GLYATL2: variants seen among roughly 807,000 people sequenced by gnomAD.
GLYATL2 encodes glycine N-acyltransferase-like protein 2.
In GLYATL2, 25 loss-of-function variants were observed where a neutral mutation model predicts 21.4. The ratio of observed to expected loss-of-function variants is 1.17; its 90% CI spans 0.85 to 1.63. The LOEUF is 1.63. Ranked by LOEUF, GLYATL2 falls within the 40% of genes most tolerant of loss-of-function variation. GLYATL2 has a pLI of 0.00. For synonymous variants in GLYATL2, 114 were observed against 118.2 expected (o/e 0.96, Z 0.23); for missense variants, 361 against 343.3 (o/e 1.05, Z -0.41).
chr11:58,869,168 G>A (rs1286448843), intron 1 of GLYATL2, among the ~76,000 whole-genome samples: 1 of 152,236 alleles, frequency 6.6e-6, no homozygotes, highest in Non-Finnish European at 1.5e-5. Context: ...TGCTGCAGAA[G>A]TTGGATTGTG....
intron 1 of GLYATL2, among the ~76,000 whole-genome samples, chr11:58,869,066 T>G (rs1465397236): frequency 0.042 from 5,835 of 139,084 alleles, 567 homozygotes; most frequent in East Asian, 0.21. Flanking sequence ...AGAAATTCTG[T>G]AGGAATTTTT....
At chr11:58,909,080 C>T (rs918061438), upstream of GLYATL2, among the ~76,000 whole-genome samples, 1 of 152,040 alleles carries the variant, frequency 6.6e-6, no homozygotes, top group African/African-American at 2.4e-5. Context: ...AATGATAATA[C>T]TAAATTGAGA....
At chr11:58,855,793 C>G (rs1262648332) in intron 1 of GLYATL2, among the ~76,000 whole-genome samples, 1 of 152,178 alleles carries the variant, frequency 6.6e-6, no homozygotes, top group Non-Finnish European at 1.5e-5. Context: ...TTTACAATTT[C>G]TACATCAGCA....
chr11:58,892,547 T>C (rs940423869), intron 1 of GLYATL2: 4 of 206,734 alleles, frequency 1.9e-5, no homozygotes, highest in South Asian at 1.3e-4. Context: ...CTCCATCTGA[T>C]TGTGGTGTAA....
At chr11:58,877,878 C>T (rs542484716) in intron 1 of GLYATL2, among the ~76,000 whole-genome samples, 2 of 152,340 alleles carry the variant, frequency 1.3e-5, no homozygotes, top group African/African-American at 4.8e-5. Flanking sequence ...TTCTACATTT[C>T]AGTCCTTTTG....
chr11:58,854,917 G>C (rs1853802789), intron 1 of GLYATL2, among the ~76,000 whole-genome samples: 1 of 152,120 alleles, frequency 6.6e-6, no homozygotes, highest in African/African-American at 2.4e-5. Context: ...ATCCATTCAG[G>C]TTTTATCATG....
At chr11:58,861,669 C>CT (rs1288795604) in intron 1 of GLYATL2, among the ~76,000 whole-genome samples, 2 of 150,888 alleles carry the variant, frequency 1.3e-5, no homozygotes, top group African/African-American at 4.9e-5. Context: ...TAAGATCTTT[C>CT]TTTTTTTTCA....
intron 1 of GLYATL2, among the ~76,000 whole-genome samples, chr11:58,863,887 T>C (rs1399839974): frequency 1.3e-5 from 2 of 152,194 alleles, no homozygotes; most frequent in African/African-American, 4.8e-5. Context: ...ACCCTGGGTC[T>C]GCTGGAGGAT....
chr11:58,849,298 C>T (rs748594334), upstream of GLYATL2, among the ~76,000 whole-genome samples: 13 of 152,250 alleles, frequency 8.5e-5, no homozygotes, highest in South Asian at 1.2e-3. Context: ...AATATTATAA[C>T]GCTGTTAACT....
chr11:58,856,325 C>T (rs117880515), intron 1 of GLYATL2, among the ~76,000 whole-genome samples: 2,310 of 152,166 alleles, frequency 0.015, 28 homozygotes, highest in Middle Eastern at 0.037. Context: ...ATTTTCTATC[C>T]AGAGCACTAA....
intron 1 of GLYATL2, among the ~76,000 whole-genome samples, chr11:58,898,187 A>G (rs1211315204): frequency 6.8e-6 from 1 of 147,800 alleles, no homozygotes; most frequent in African/African-American, 2.6e-5. Context: ...CTGTACCCCA[A>G]TAAGACGACA....
intron 1 of GLYATL2, among the ~76,000 whole-genome samples, chr11:58,895,586 T>C (rs1481100044): frequency 6.6e-6 from 1 of 152,226 alleles, no homozygotes; most frequent in Non-Finnish European, 1.5e-5. Flanking sequence ...GTCCCCATCA[T>C]GATCATCACC....
intron 1 of GLYATL2, among the ~76,000 whole-genome samples, chr11:58,852,044 T>C (rs559519295): frequency 5.3e-5 from 8 of 151,934 alleles, no homozygotes; most frequent in Admixed American, 3.3e-4. Context: ...ATTTTAATTC[T>C]TTGAATGGAA....
Position 58,839,532 on chromosome 11 carries a change from T to A in GLYATL2, c.78+3A>T, listed in dbSNP as rs898903523. ...CTCCTTTGATCTCCTCCTACTCCGT[T>A]ACCTTTATGGATTCAGGGATGCTCT... On this transcript the variant is annotated splice_donor_region_variant and intron_variant, in intron 2 of 5. Transcript: ENST00000287275. 2 of 1,596,592 alleles carry A rather than the reference T, an allele frequency of 1.3e-6. No homozygotes were observed. Among genetic ancestry groups the A allele is most frequent in the Non-Finnish European group, 1.7e-6 (2 of 1,166,006 alleles).
At chr11:58,841,428 T>A (rs997655109) in intron 1 of GLYATL2, among the ~76,000 whole-genome samples, 1 of 152,206 alleles carries the variant, frequency 6.6e-6, no homozygotes, top group Non-Finnish European at 1.5e-5. Context: ...CTTTGTAGGT[T>A]GTCATGAGGA....
chr11:58,868,741 TG>T (rs1400507450), intron 1 of GLYATL2, among the ~76,000 whole-genome samples: 1 of 149,128 alleles, frequency 6.7e-6, no homozygotes, highest in Non-Finnish European at 1.5e-5. Context: ...TCCCTCTCTT[TG>T]GGGCCAGCCG....
rs760566361 is a variant in GLYATL2, at chr11:58,837,343, CT to C, written c.240del (p.Ala81LeufsTer5). The C allele has an allele frequency of 5.0e-5, 80 of 1,613,670 alleles. No homozygotes were observed. Among genetic ancestry groups the C allele is most frequent in the Non-Finnish European group, 6.6e-5 (78 of 1,179,766 alleles). On this transcript the variant is annotated frameshift_variant, in exon 4 of 6. Coordinates refer to ENST00000287275, the MANE Select transcript of GLYATL2 (RefSeq NM_145016.4). LOFTEE classifies it high-confidence loss of function. ...AGGACTTCCTCTAATTTGTCAGGAGCTTTGGTGAAGATGTGGTAAGTGTTGG... is the reference window on the plus strand; with the variant it reads ...AGGACTTCCTCTAATTTGTCAGGAGCTTGGTGAAGATGTGGTAAGTGTTGG... ...HYTNTYHIFT[K>X]APDKLEEVLS...
intron 1 of GLYATL2, among the ~76,000 whole-genome samples, chr11:58,887,472 A>G (rs1194483082): frequency 3.3e-5 from 5 of 152,176 alleles, no homozygotes; most frequent in African/African-American, 1.2e-4. Context: ...ATACAAGTGG[A>G]AAAATCCAAC....
In GLYATL2 at chr11:58,834,813, G is replaced by T. The variant is rs1471193811; in HGVS notation, c.501C>A (p.Phe167Leu). Reference protein sequence around the residue: ...DNKEGNFSNMFLDASHAGLVN... With the variant: ...DNKEGNFSNMLLDASHAGLVN... ...CAAGACCTGCATGTGAAGCATCTAA[G>T]AACATGTTTGAAAAGTTTCCTTCCC... The change falls in exon 6 of 6, where the codon TTC becomes TTA. Residue 167 changes from phenylalanine (F) to leucine (L), a missense_variant. Phe to Leu is a conservative substitution (Grantham distance 22, BLOSUM62 0). Transcript: ENST00000287275. The T allele has an allele frequency of 6.3e-7, 1 of 1,595,916 alleles. No individual in the cohort carries two copies. The highest frequency in any genetic ancestry group is 1.8e-5 in the Admixed American group (1 of 55,662).
Sources: gnomAD v4.1 joint callset for allele counts (sites outside exome capture counted in the v4.1 genomes callset) on GRCh38, gnomAD v4.1.1 for gene constraint, MANE v1.5 for transcripts, NCBI Gene and HGNC (gene_info 2026-07-23, HGNC 2026-07-21) for gene names.